The following SLIRP variants were observed in gnomAD, a reference collection of about 807,000 sequenced individuals.
The protein encoded by SLIRP is SRA stem-loop interacting RNA binding protein, also known as SRA stem-loop-interacting RNA-binding protein, mitochondrial.
A neutral mutation model predicts 13.4 loss-of-function variants in SLIRP; 12 were observed. The observed-to-expected ratio is 0.89, with a 90% CI of 0.57 to 1.45. SLIRP has a LOEUF of 1.45. SLIRP is among the 40% of genes most tolerant of loss of function. The pLI is 0.00. For missense variants in SLIRP, 154 were observed against 132.2 expected (o/e 1.17, Z -0.81); for synonymous variants, 55 against 47.1 (o/e 1.17, Z -0.69).
intron 2 of SLIRP, among the ~76,000 whole-genome samples, chr14:77,711,126 C>T (rs961338459): frequency 6.6e-6 from 1 of 151,222 alleles, no homozygotes; most frequent in African/African-American, 2.4e-5. Flanking sequence ...GATAGATACC[C>T]CATGCTCCAT....
At chr14:77,714,507 G>T (rs1163865157) in intron 2 of SLIRP, among the ~76,000 whole-genome samples, 1 of 151,944 alleles carries the variant, frequency 6.6e-6, no homozygotes, top group African/African-American at 2.4e-5. Flanking sequence ...CACTATGTTG[G>T]CCAGGCTGGT....
chr14:77,710,965 A>G, intron 2 of SLIRP, 69 bp downstream of exon 2: 1 of 1,321,176 alleles, frequency 7.6e-7, no homozygotes, highest in Non-Finnish European at 1.1e-6. Flanking sequence ...AGAATGAATA[A>G]GACCTATTTG....
intron 3 of SLIRP, among the ~76,000 whole-genome samples, chr14:77,716,810 A>T (rs2080487045): frequency 6.6e-6 from 1 of 151,930 alleles, no homozygotes; most frequent in Non-Finnish European, 1.5e-5. Context: ...TGCCCAGGCT[A>T]GAGTGCAATG....
chr14:77,715,890 T>C lies in SLIRP; in HGVS notation c.264+11T>C. ...ATAGATGGAGTAAAGGTAAATTTATTTCTATGCCAGATACATACATGATAT... is the reference window on the plus strand; with the variant it reads ...ATAGATGGAGTAAAGGTAAATTTATCTCTATGCCAGATACATACATGATAT... On this transcript the variant is annotated intron_variant, in intron 3 of 3. Coordinates refer to ENST00000557342, the MANE Select transcript of SLIRP (RefSeq NM_031210.6). 1.9e-6 allele frequency: 3 copies of C among 1,582,752 alleles called. No homozygotes were observed. The highest frequency in any genetic ancestry group is 2.6e-6 in the Non-Finnish European group (3 of 1,151,902).
At chr14:77,715,170 C>T (rs1034568022) in intron 2 of SLIRP, among the ~76,000 whole-genome samples, 3 of 151,814 alleles carry the variant, frequency 2.0e-5, no homozygotes, top group Non-Finnish European at 2.9e-5. Flanking sequence ...GAGTACTGAT[C>T]AAAATTTCCC....
At chr14:77,715,705 T>C in intron 2 of SLIRP, 67 bp from the exon 3 acceptor site, 1 of 1,329,380 alleles carries the variant, frequency 7.5e-7, no homozygotes, top group Non-Finnish European at 1.1e-6. Flanking sequence ...GTTGGTAGTT[T>C]GATTTGGAAC....
At chr14:77,715,689 G>A in intron 2 of SLIRP, 83 bp from the exon 3 acceptor site, 1 of 1,167,246 alleles carries the variant, frequency 8.6e-7, no homozygotes, top group Non-Finnish European at 1.2e-6. Flanking sequence ...TTTGGCAGAT[G>A]AAAAAGTTGG....
At chr14:77,715,744 A>C (rs776890146) in intron 2 of SLIRP, 28 bp from the exon 3 acceptor site, 2 of 1,572,838 alleles carry the variant, frequency 1.3e-6, no homozygotes, top group African/African-American at 2.7e-5. Flanking sequence ...GTTCATGATT[A>C]ATCTTTTCCT....
At chr14:77,710,781 T>G in intron 1 of SLIRP, 57 bp from the exon 2 acceptor site, 1 of 1,608,022 alleles carries the variant, frequency 6.2e-7, no homozygotes, top group Non-Finnish European at 8.5e-7. Context: ...TTCTACAGTC[T>G]AAGATAGAGA....
intron 2 of SLIRP, among the ~76,000 whole-genome samples, chr14:77,712,807 G>A (rs1279898255): frequency 6.6e-6 from 1 of 152,092 alleles, no homozygotes; most frequent in Non-Finnish European, 1.5e-5. Context: ...GCTCTGAGTT[G>A]GGAGCTGCTC....
At position 77,715,655 on chromosome 14, in the gene SLIRP, AAAATT is replaced by A. The variant is rs1198930383; in HGVS notation, c.157-108_157-104del. 1.4e-5 allele frequency: 12 copies of A among 832,174 alleles called. No homozygotes were observed. The East Asian group carries it at 2.6e-4, about 18-fold the overall frequency. 51.5% of individuals were successfully genotyped at this position (832,174 alleles called of 1,614,324 possible). On this transcript the variant is annotated intron_variant, in intron 2 of 3. Transcript: ENST00000557342. ...GCAAGACCCTGCCTAAAAATAAAAT[AAAATT>A]AAATTAAAAAGTCCGATTTTTGGCA... is the stretch of plus-strand genomic sequence containing the variant.
intron 3 of SLIRP, 45 bp downstream of exon 3, chr14:77,715,924 G>A (rs1404193464): frequency 7.3e-7 from 1 of 1,373,540 alleles, no homozygotes; most frequent in Admixed American, 1.7e-5. Flanking sequence ...ATACATGTAG[G>A]TACTATTTAA....
intron 2 of SLIRP, among the ~76,000 whole-genome samples, chr14:77,714,924 T>C (rs1389605220): frequency 6.6e-6 from 1 of 152,200 alleles, no homozygotes; most frequent in Admixed American, 6.5e-5. Flanking sequence ...AGAATCTGTT[T>C]TCCGTATGCG....
chr14:77,710,802 T>C lies in SLIRP; in HGVS notation c.98-36T>C, dbSNP rs372091469. ...AGTCTAAGATAGAGAATCCAAAATA[T>C]AGTAACTACTTTTAATGTTTTCTTC... On this transcript the variant is annotated intron_variant, in intron 1 of 3. Coordinates refer to ENST00000557342, the MANE Select transcript of SLIRP (RefSeq NM_031210.6). 1.4e-5 allele frequency: 22 copies of C among 1,613,026 alleles called. No homozygotes were observed. In the East Asian group the frequency reaches 3.3e-4, roughly 25 times the overall value.
upstream of SLIRP, chr14:77,708,076 C>T (rs1198224231): frequency 1.2e-6 from 2 of 1,610,908 alleles, no homozygotes; most frequent in East Asian, 2.2e-5. Flanking sequence ...TTTCCGGGGC[C>T]GCGACCTCGG....
intron 2 of SLIRP, among the ~76,000 whole-genome samples, chr14:77,713,018 C>A (rs176951): frequency 0.82 from 124,818 of 152,060 alleles, 51,359 homozygotes; most frequent in Middle Eastern, 0.86. Context: ...GGTTTCTCCT[C>A]CACCCAAGGA....
rs562632672 is a variant in SLIRP, at chr14:77,714,837, T to A, written c.157-935T>A. ...AATGAGACTAATGAGGACCAGTTTG[T>A]CATCTACAGGGACTAGACATCTTAA... On this transcript the variant is annotated intron_variant, in intron 2 of 3. Coordinates refer to ENST00000557342, the MANE Select transcript of SLIRP (RefSeq NM_031210.6). 7.2e-5 allele frequency among the ~76,000 whole-genome samples: 11 copies of A among 152,340 alleles called. No individual in the cohort carries two copies. In the South Asian group the frequency reaches 2.3e-3, roughly 32 times the overall value.
chr14:77,708,309 T>C, intron 1 of SLIRP, 101 bp downstream of exon 1: 2 of 1,169,552 alleles, frequency 1.7e-6, no homozygotes, highest in South Asian at 1.3e-5. Flanking sequence ...GTGGCTGAAT[T>C]AGGAGACTGC....
At chr14:77,708,758 GC>G (rs2080416519) in intron 1 of SLIRP, among the ~76,000 whole-genome samples, 1 of 152,210 alleles carries the variant, frequency 6.6e-6, no homozygotes, top group Admixed American at 6.5e-5. Context: ...TTAGGAGCAG[GC>G]CAAGAGAAGA....
Sources: allele counts gnomAD v4.1 joint callset (sites outside exome capture counted in the v4.1 genomes callset), GRCh38; gene constraint gnomAD v4.1.1; transcripts MANE v1.5; gene names NCBI Gene and HGNC (gene_info 2026-07-23, HGNC 2026-07-21).